The following PTPRT variants were observed in gnomAD, a reference collection of about 807,000 sequenced individuals.
The protein encoded by PTPRT is receptor-type tyrosine-protein phosphatase T.
PTPRT carries 56 observed loss-of-function variants against 176.8 expected under a neutral mutation model. The observed-to-expected ratio is 0.32, with a 90% confidence interval of 0.26 to 0.40. PTPRT has a LOEUF of 0.40. Ranked by LOEUF, PTPRT falls within the 10% of genes least tolerant of loss-of-function variation. PTPRT has a pLI of 1.00. For missense variants in PTPRT, 1,540 were observed against 1,908.2 expected (o/e 0.81, Z 3.60); for synonymous variants, 783 against 739.0 (o/e 1.06, Z -0.96).
At chr20:42,532,139 T>A (rs1283983174) in intron 7 of PTPRT, among the ~76,000 whole-genome samples, 2 of 152,152 alleles carry the variant, frequency 1.3e-5, no homozygotes, top group African/African-American at 4.8e-5. Context: ...GCTTTCTGGA[T>A]ACAGACCCTT....
chr20:42,333,896 G>C (rs1439919827), intron 11 of PTPRT, among the ~76,000 whole-genome samples: 1 of 151,938 alleles, frequency 6.6e-6, no homozygotes, highest in East Asian at 1.9e-4. Flanking sequence ...GGCCAGGCTG[G>C]TCTTGATCTC....
At chr20:42,834,211 T>G (rs2078141868) in intron 2 of PTPRT, among the ~76,000 whole-genome samples, 1 of 152,084 alleles carries the variant, frequency 6.6e-6, no homozygotes, top group Admixed American at 6.5e-5. Context: ...AACACATTAC[T>G]AAAGAAGATG....
chr20:42,726,069 AT>A (rs1000767051), intron 6 of PTPRT, among the ~76,000 whole-genome samples: 9 of 121,206 alleles, frequency 7.4e-5, no homozygotes, highest in Non-Finnish European at 1.4e-4. Context: ...TATTATTATT[AT>A]TATTATTATT....
intron 1 of PTPRT, among the ~76,000 whole-genome samples, chr20:43,120,242 G>T (rs2013208932): frequency 6.6e-6 from 1 of 151,762 alleles, no homozygotes; most frequent in African/African-American, 2.4e-5. Context: ...TTATAATACT[G>T]GGAGTGCTTC....
chr20:42,894,329 G>A (rs2079254739), intron 1 of PTPRT, among the ~76,000 whole-genome samples: 2 of 152,174 alleles, frequency 1.3e-5, no homozygotes, highest in Admixed American at 1.3e-4. Flanking sequence ...AGGTCAAAGA[G>A]ACGGGGACAG....
intron 13 of PTPRT, among the ~76,000 whole-genome samples, chr20:42,266,963 A>G (rs563736492): frequency 1.3e-5 from 2 of 152,340 alleles, no homozygotes; most frequent in East Asian, 3.9e-4. Flanking sequence ...GTACAAAAAA[A>G]GAATGTAAAA....
chr20:42,995,923 C>T lies in PTPRT; in HGVS notation c.89-109991G>A, dbSNP rs1252112131. On this transcript the variant is annotated intron_variant, in intron 1 of 30. Coordinates refer to ENST00000373187, the MANE Select transcript of PTPRT (RefSeq NM_007050.6). ...CCTCGACTCCTGGGCTCAAGCGATCCTCCTGCCTCAGTTTCCTAAGTAGCT... is the reference window on the plus strand; with the variant it reads ...CCTCGACTCCTGGGCTCAAGCGATCTTCCTGCCTCAGTTTCCTAAGTAGCT... Among the ~76,000 whole-genome samples the T allele has an allele frequency of 2.0e-5, 3 of 152,186 alleles. No individual in the cohort carries two copies. The East Asian group carries it at 5.8e-4, about 29-fold the overall frequency.
intron 7 of PTPRT, among the ~76,000 whole-genome samples, chr20:42,610,260 C>T (rs1186051572): frequency 6.6e-6 from 1 of 152,200 alleles, no homozygotes; most frequent in Non-Finnish European, 1.5e-5. Context: ...ACACTCATTC[C>T]ACAAAGGGTG....
the PTPRT span, among the ~76,000 whole-genome samples, chr20:42,045,034 A>G: frequency 6.6e-6 from 1 of 152,076 alleles, no homozygotes; most frequent in Admixed American, 6.5e-5. Context: ...TGTCTCTCTC[A>G]TCTCTGTTTG....
chr20:43,005,410 G>T (rs1984801620), intron 1 of PTPRT, among the ~76,000 whole-genome samples: 1 of 152,020 alleles, frequency 6.6e-6, no homozygotes, highest in Non-Finnish European at 1.5e-5. Context: ...CTCAAACTGG[G>T]TGTTCTTTTC....
At position 43,060,313 on chromosome 20, in the gene PTPRT, G is replaced by A. The variant is rs531826173; in HGVS notation, c.88+129333C>T. On this transcript the variant is annotated intron_variant, in intron 1 of 30. Coordinates refer to ENST00000373187, the MANE Select transcript of PTPRT (RefSeq NM_007050.6). ...AGTTCTGTGTCTGGTGAGGACCTGC[G>A]TCCTGGAACATGGATGGTCTTCCTC... Among the ~76,000 whole-genome samples, 46 of 152,278 alleles carry A rather than the reference G, an allele frequency of 3.0e-4. No homozygotes were observed. The East Asian group carries it at 4.2e-3, about 14-fold the overall frequency.
chr20:42,839,418 A>G (rs778749838), intron 2 of PTPRT, among the ~76,000 whole-genome samples: 1 of 152,126 alleles, frequency 6.6e-6, no homozygotes, highest in Non-Finnish European at 1.5e-5. Context: ...GTTTTCATGC[A>G]TAATAAGAAA....
At chr20:42,240,411 A>G (rs528038447) in intron 14 of PTPRT, among the ~76,000 whole-genome samples, 1 of 152,342 alleles carries the variant, frequency 6.6e-6, no homozygotes, top group South Asian at 2.1e-4. Context: ...ATTGCCTGAA[A>G]CCAAAAATCC....
chr20:42,041,335 T>C, the PTPRT span, among the ~76,000 whole-genome samples: 1 of 152,334 alleles, frequency 6.6e-6, no homozygotes, highest in South Asian at 2.1e-4. Flanking sequence ...GGAATAGCAA[T>C]TGTTACTGTG....
rs545805992 is a variant in PTPRT, at chr20:42,984,582, C to CA, written c.89-98651dup. On this transcript the variant is annotated intron_variant, in intron 1 of 30. Coordinates refer to ENST00000373187, the MANE Select transcript of PTPRT (RefSeq NM_007050.6). The stretch of plus-strand genomic sequence containing the variant: ...CTACCCCATGATGCTCAGCTCACTC[C>CA]ACCATCATGCAGCAAATTTTCTTGA... Among the ~76,000 whole-genome samples, 223 of 152,328 alleles carry CA rather than the reference C, an allele frequency of 1.5e-3. 1 individual carries two copies. The highest frequency in any genetic ancestry group is 2.4e-3 in the Non-Finnish European group (160 of 68,022).
At chr20:42,956,284 G>A (rs934312369) in intron 1 of PTPRT, among the ~76,000 whole-genome samples, 1 of 152,186 alleles carries the variant, frequency 6.6e-6, no homozygotes, top group Admixed American at 6.5e-5. Context: ...ATTGGATCAT[G>A]GGGGTGGGAT....
intron 7 of PTPRT, among the ~76,000 whole-genome samples, chr20:42,488,940 A>C (rs967182781): frequency 1.5e-5 from 2 of 136,686 alleles, no homozygotes; most frequent in Non-Finnish European, 3.1e-5. Context: ...ACAGGAGCAA[A>C]ACTCTGTCTC....
chr20:42,379,748 G>C (rs762950795), intron 9 of PTPRT, among the ~76,000 whole-genome samples: 1 of 152,244 alleles, frequency 6.6e-6, no homozygotes, highest in Non-Finnish European at 1.5e-5. Flanking sequence ...GGCATGAATG[G>C]AAAAGCTAAA....
intron 1 of PTPRT, among the ~76,000 whole-genome samples, chr20:43,073,482 C>T (rs971416977): frequency 4.9e-4 from 73 of 150,274 alleles, no homozygotes; most frequent in African/African-American, 1.5e-3. Flanking sequence ...TATATATATA[C>T]ACACACACAC....
Sources: allele counts gnomAD v4.1 joint callset (sites outside exome capture counted in the v4.1 genomes callset), GRCh38; gene constraint gnomAD v4.1.1; transcripts MANE v1.5; gene names NCBI Gene and HGNC (gene_info 2026-07-23, HGNC 2026-07-21).